Variants in ZNF804B observed in about 807,000 individuals in gnomAD.
ZNF804B encodes the protein zinc finger 804B.
A neutral mutation model predicts 101.4 loss-of-function variants in ZNF804B; 80 were observed. The ratio of observed to expected loss-of-function variants is 0.79; its 90% CI spans 0.66 to 0.95. The LOEUF (loss-of-function observed/expected upper bound fraction) is 0.95. Ranked by LOEUF, ZNF804B falls within the 40% of genes least tolerant of loss-of-function variation. The probability of loss-of-function intolerance (pLI) is 0.00; values close to 1 mark genes in which losing one functional copy is unlikely to be tolerated. For missense variants in ZNF804B, 1,673 were observed against 1,561.9 expected (o/e 1.07, Z -1.20); for synonymous variants, 622 against 558.8 (o/e 1.11, Z -1.59).
At chr7:88,875,017 G>A (rs1337028558) in intron 1 of ZNF804B, among the ~76,000 whole-genome samples, 51 of 129,190 alleles carry the variant, frequency 3.9e-4, no homozygotes, top group African/African-American at 1.4e-3. Context: ...ACTCAAAACC[G>A]CTCAACTACA....
chr7:89,274,062 T>A (rs1210288364), intron 2 of ZNF804B, among the ~76,000 whole-genome samples: 1 of 152,064 alleles, frequency 6.6e-6, no homozygotes, highest in Non-Finnish European at 1.5e-5. Context: ...CCCCTGTGAC[T>A]GATGACTATT....
intron 1 of ZNF804B, among the ~76,000 whole-genome samples, chr7:88,761,619 T>G (rs1220624199): frequency 6.6e-6 from 1 of 152,218 alleles, no homozygotes; most frequent in African/African-American, 2.4e-5. Flanking sequence ...ACATACAATG[T>G]TCTGCCTTTC....
Position 89,258,089 on chromosome 7 carries a change from A to G in ZNF804B, c.249+39794A>G, listed in dbSNP as rs140380470. ...CATATTTGGAAAAAAATACAATAAA[A>G]ATAATGCAACAATAAAAATAATATA... On this transcript the variant is annotated intron_variant, in intron 2 of 3. Coordinates refer to ENST00000333190, the MANE Select transcript of ZNF804B (RefSeq NM_181646.5). 3.9e-4 allele frequency among the ~76,000 whole-genome samples: 60 copies of G among 152,202 alleles called. 1 individual carries two copies. The highest frequency in any genetic ancestry group is 1.4e-3 in the African/African-American group (60 of 41,542).
chr7:88,837,287 A>G (rs1395497575), intron 1 of ZNF804B, among the ~76,000 whole-genome samples: 1 of 152,034 alleles, frequency 6.6e-6, no homozygotes, highest in African/African-American at 2.4e-5. Flanking sequence ...ATAAGTGATC[A>G]ATATTTGTTG....
At chr7:88,994,617 T>C (rs560854614) in intron 1 of ZNF804B, among the ~76,000 whole-genome samples, 1 of 152,070 alleles carries the variant, frequency 6.6e-6, no homozygotes, top group Non-Finnish European at 1.5e-5. Flanking sequence ...AAGTTTACAC[T>C]TCAGTAGTCT....
Position 88,800,675 on chromosome 7 carries a change from T to TA in ZNF804B, c.108+40597dup, listed in dbSNP as rs1790563733. ...AAGAATGAGCATTTAAGCTGGGAATTAAAAAATAGATATGATTTGTGTGTG... is the reference window on the plus strand; with the variant it reads ...AAGAATGAGCATTTAAGCTGGGAATTAAAAAAATAGATATGATTTGTGTGTG... On this transcript the variant is annotated intron_variant, in intron 1 of 3. Transcript: ENST00000333190. 2.7e-5 allele frequency among the ~76,000 whole-genome samples: 4 copies of TA among 147,492 alleles called. No homozygotes were observed. The Admixed American group carries it at 2.7e-4, about 10-fold the overall frequency.
intron 1 of ZNF804B, among the ~76,000 whole-genome samples, chr7:89,009,334 T>A (rs967307458): frequency 1.3e-5 from 2 of 152,222 alleles, no homozygotes; most frequent in Non-Finnish European, 2.9e-5. Flanking sequence ...GTTTCAATTA[T>A]TGAATCAAAT....
intron 1 of ZNF804B, among the ~76,000 whole-genome samples, chr7:88,857,919 G>C (rs1791596163): frequency 7.4e-6 from 1 of 135,494 alleles, no homozygotes; most frequent in South Asian, 2.5e-4. Context: ...CACCTCCCAG[G>C]ATCAAGCGAT....
intron 2 of ZNF804B, among the ~76,000 whole-genome samples, chr7:89,226,511 T>C (rs1789090791): frequency 7.2e-6 from 1 of 139,846 alleles, no homozygotes; most frequent in Non-Finnish European, 1.6e-5. Flanking sequence ...AATACAGAAG[T>C]GTAGAAAAAT....
Position 89,074,801 on chromosome 7 carries a change from G to A in ZNF804B, c.109-143354G>A, listed in dbSNP as rs188209651. On this transcript the variant is annotated intron_variant, in intron 1 of 3. Transcript: ENST00000333190. ...ATGGAAAAGTTTGGAATTTCCTAGA[G>A]ACTTGTTGAATGGCTTTGACAAAAA... Among the ~76,000 whole-genome samples, 699 of 152,294 alleles carry A rather than the reference G, an allele frequency of 4.6e-3. 5 individuals carry two copies. The highest frequency in any genetic ancestry group is 0.016 in the African/African-American group (664 of 41,564).
intron 1 of ZNF804B, among the ~76,000 whole-genome samples, chr7:88,958,716 A>G (rs979370459): frequency 1.3e-5 from 2 of 151,390 alleles, no homozygotes; most frequent in Non-Finnish European, 3.0e-5. Flanking sequence ...GTCACATCGA[A>G]GAGTAACTTG....
At chr7:89,045,936 G>A (rs975327700) in intron 1 of ZNF804B, among the ~76,000 whole-genome samples, 14 of 152,012 alleles carry the variant, frequency 9.2e-5, no homozygotes, top group Admixed American at 8.5e-4. Context: ...GACTGGAGGT[G>A]GAATGATATG....
intron 2 of ZNF804B, among the ~76,000 whole-genome samples, chr7:89,288,470 C>T (rs1479365271): frequency 2.0e-5 from 3 of 152,072 alleles, no homozygotes; most frequent in African/African-American, 7.2e-5. Context: ...CAAAAGAACA[C>T]AGCTGACAAG....
At chr7:88,940,741 C>T (rs1367189882) in intron 1 of ZNF804B, among the ~76,000 whole-genome samples, 1 of 147,456 alleles carries the variant, frequency 6.8e-6, no homozygotes, top group Non-Finnish European at 1.5e-5. Flanking sequence ...GCATGCCAGC[C>T]TGGGCAACAA....
intron 1 of ZNF804B, among the ~76,000 whole-genome samples, chr7:89,174,014 A>G (rs183393932): frequency 6.6e-6 from 1 of 152,118 alleles, no homozygotes; most frequent in Admixed American, 6.5e-5. Context: ...ACAGGCATTC[A>G]ATGTGTAGTA....
At chr7:88,776,565 T>TG (rs1790144062) in intron 1 of ZNF804B, among the ~76,000 whole-genome samples, 5 of 143,024 alleles carry the variant, frequency 3.5e-5, no homozygotes, top group East Asian at 4.0e-4. Context: ...GTTTTGTTTT[T>TG]TTTTTTTTTT....
intron 1 of ZNF804B, among the ~76,000 whole-genome samples, chr7:89,035,519 T>C (rs1788912321): frequency 6.6e-6 from 1 of 151,856 alleles, no homozygotes; most frequent in African/African-American, 2.4e-5. Context: ...TGGAAAAAAA[T>C]GAGTAAGACA....
intron 1 of ZNF804B, among the ~76,000 whole-genome samples, chr7:88,798,913 G>A (rs1790534487): frequency 6.6e-6 from 1 of 152,062 alleles, no homozygotes; most frequent in South Asian, 2.1e-4. Flanking sequence ...TCTGGATAAA[G>A]AAGCATTTGT....
chr7:89,024,229 CTG>C (rs1488220908), intron 1 of ZNF804B, among the ~76,000 whole-genome samples: 10 of 152,242 alleles, frequency 6.6e-5, no homozygotes, highest in African/African-American at 2.4e-4. Context: ...AGTGTCCACT[CTG>C]TACTTTCCTT....
Sources: allele counts gnomAD v4.1 joint callset (sites outside exome capture counted in the v4.1 genomes callset), GRCh38; gene constraint gnomAD v4.1.1; transcripts MANE v1.5; gene names NCBI Gene and HGNC (gene_info 2026-07-23, HGNC 2026-07-21).